TLN2: variants seen among roughly 807,000 people sequenced by gnomAD.
The protein encoded by TLN2 is talin 2.
In TLN2, 118 loss-of-function variants were observed where a neutral mutation model predicts 294.7. That is an observed-to-expected ratio of 0.40 (90% CI 0.34 to 0.47). The LOEUF (loss-of-function observed/expected upper bound fraction) is 0.47, where lower values mean the gene tolerates loss of function less well. Ranked by LOEUF, TLN2 falls within the 20% of genes least tolerant of loss-of-function variation. The probability of loss-of-function intolerance (pLI) is 0.84; values close to 1 mark genes in which losing one functional copy is unlikely to be tolerated. For synonymous variants in TLN2, 1,431 were observed against 1,304.5 expected, an observed-to-expected ratio of 1.10 and a Z score of -2.09; for missense variants, 3,083 against 3,282.2, an observed-to-expected ratio of 0.94 and a Z score of 1.48.
At chr15:62,452,609 C>T (rs2036226812) in intron 1 of TLN2, among the ~76,000 whole-genome samples, 2 of 152,194 alleles carry the variant, frequency 1.3e-5, no homozygotes, top group Admixed American at 1.3e-4. Context: ...TCCTCCTTCC[C>T]TCCAGCCCTT....
At chr15:62,555,036 T>TTTC (rs2140568010) in intron 1 of TLN2, among the ~76,000 whole-genome samples, 1 of 151,906 alleles carries the variant, frequency 6.6e-6, no homozygotes, top group South Asian at 2.1e-4. Flanking sequence ...AATTAGGAGA[T>TTTC]TTCTTCCCTG....
chr15:62,500,532 G>C (rs2039251819), intron 1 of TLN2, among the ~76,000 whole-genome samples: 1 of 152,186 alleles, frequency 6.6e-6, no homozygotes, highest in African/African-American at 2.4e-5. Context: ...CTAAGTTCCA[G>C]ATGGGTCAGG....
intron 1 of TLN2, among the ~76,000 whole-genome samples, chr15:62,486,885 A>T (rs1164903716): frequency 6.6e-6 from 1 of 150,780 alleles, no homozygotes; most frequent in Non-Finnish European, 1.5e-5. Flanking sequence ...CTGCTCTTCG[A>T]TACAGGTAGA....
intron 27 of TLN2, among the ~76,000 whole-genome samples, chr15:62,726,746 G>C (rs753887284): frequency 1.1e-4 from 16 of 152,184 alleles, no homozygotes; most frequent in Non-Finnish European, 2.1e-4. Context: ...AATACTAATA[G>C]CTACCATTTG....
At chr15:62,587,796 A>G (rs2045735298) in intron 1 of TLN2, among the ~76,000 whole-genome samples, 1 of 152,242 alleles carries the variant, frequency 6.6e-6, no homozygotes, top group Admixed American at 6.5e-5. Context: ...TCCGTTCATG[A>G]AAGTGCCTAT....
intron 1 of TLN2, among the ~76,000 whole-genome samples, chr15:62,494,539 C>G (rs961269901): frequency 2.0e-5 from 3 of 152,046 alleles, no homozygotes; most frequent in East Asian, 3.9e-4. Flanking sequence ...AGGGGATTTT[C>G]TGGGTGATTC....
chr15:62,762,132 A>T (rs2062717548), intron 38 of TLN2, 140 bp from the exon 39 acceptor site: 5 of 1,030,108 alleles, frequency 4.9e-6, no homozygotes, highest in South Asian at 3.1e-5. Context: ...CTGGTAATCC[A>T]GTCTTCATGG....
intron 1 of TLN2, among the ~76,000 whole-genome samples, chr15:62,567,709 C>T (rs1168948602): frequency 6.6e-6 from 1 of 152,098 alleles, no homozygotes. Flanking sequence ...ATGGCGCGCG[C>T]CTGTAATCCC....
rs117495541 is a variant in TLN2, at chr15:62,819,639, G to A, written c.6877+18G>A. 2.1e-3 allele frequency: 3,319 copies of A among 1,603,862 alleles called. 52 individuals are homozygous for A. In the East Asian group the frequency reaches 0.039, roughly 19 times the overall value. Reference sequence around the variant, plus strand: ...CATGAAAGGTAGGCTGGATTCTCACGTCTTGGTGGAGGGCAACCCTCCCAG... The same window carrying A: ...CATGAAAGGTAGGCTGGATTCTCACATCTTGGTGGAGGGCAACCCTCCCAG... On this transcript the variant is annotated intron_variant, in intron 53 of 58. Transcript: ENST00000636159.
intron 50 of TLN2, among the ~76,000 whole-genome samples, chr15:62,801,021 A>C (rs542500863): frequency 1.3e-5 from 2 of 152,340 alleles, no homozygotes; most frequent in African/African-American, 4.8e-5. Context: ...GTTTACTTCC[A>C]CTAAAATTAT....
chr15:62,781,806 G>C (rs2064196273), intron 44 of TLN2, among the ~76,000 whole-genome samples: 1 of 152,156 alleles, frequency 6.6e-6, no homozygotes, highest in Non-Finnish European at 1.5e-5. Context: ...TAATGTTTTG[G>C]TTTGGTTTGG....
intron 1 of TLN2, among the ~76,000 whole-genome samples, chr15:62,583,213 A>G (rs2045290199): frequency 6.6e-6 from 1 of 152,192 alleles, no homozygotes; most frequent in Non-Finnish European, 1.5e-5. Context: ...CCCATATTCC[A>G]TGGCCAGTTG....
rs140628245 is a variant in TLN2, at chr15:62,697,941, G to A, written c.1473+73G>A. The stretch of plus-strand genomic sequence containing the variant: ...GCATGCAGGGTGGACACCAGCGGCG[G>A]TGATGGGCTGAGTGTTGGAACGCTC... On this transcript the variant is annotated intron_variant, in intron 15 of 58. Transcript: ENST00000636159. 21 of 1,534,764 alleles carry A rather than the reference G, an allele frequency of 1.4e-5. No individual in the cohort carries two copies. In the East Asian group the frequency reaches 4.7e-4, roughly 35 times the overall value.
intron 2 of TLN2, among the ~76,000 whole-genome samples, chr15:62,593,475 A>AT (rs1258205277): frequency 6.6e-6 from 1 of 152,174 alleles, no homozygotes; most frequent in African/African-American, 2.4e-5. Flanking sequence ...GTTTCCATGC[A>AT]TTTTTTGGCT....
chr15:62,434,169 C>T (rs1332119368), intron 1 of TLN2, among the ~76,000 whole-genome samples: 1 of 152,154 alleles, frequency 6.6e-6, no homozygotes, highest in East Asian at 1.9e-4. Context: ...ACTAAGGTCC[C>T]TTCCTAAAGG....
intron 27 of TLN2, 70 bp downstream of exon 27, chr15:62,725,174 A>T: frequency 6.5e-7 from 1 of 1,529,332 alleles, no homozygotes; most frequent in South Asian, 1.3e-5. Flanking sequence ...GTTTGTTGTT[A>T]GGGTGTTTGC....
rs185923372 is a variant in TLN2, at chr15:62,665,528, A to C, written c.788+7630A>C. Among the ~76,000 whole-genome samples, 71 of 152,312 alleles carry C rather than the reference A, an allele frequency of 4.7e-4. No individual in the cohort carries two copies. In the East Asian group the frequency reaches 6.0e-3, roughly 13 times the overall value. On this transcript the variant is annotated intron_variant, in intron 9 of 58. Coordinates refer to ENST00000636159, the MANE Select transcript of TLN2 (RefSeq NM_015059.3). ...ACGTGAAGAAATTGTCCAAGGGCTG[A>C]GTGTGGGCAGGCAGGTCACAGGCTT...
intron 45 of TLN2, among the ~76,000 whole-genome samples, chr15:62,790,334 AGAGG>A (rs531657928): frequency 4.5e-4 from 69 of 152,322 alleles, no homozygotes; most frequent in African/African-American, 1.6e-3. Context: ...TTTAATTTCG[AGAGG>A]GAGAGGAAGG....
At position 62,800,927 on chromosome 15, in the gene TLN2, C is replaced by G. The variant is rs115699084; in HGVS notation, c.6477+158C>G. Among the ~76,000 whole-genome samples, 724 of 152,180 alleles carry G rather than the reference C, an allele frequency of 4.8e-3. 1 individual carries two copies. Among genetic ancestry groups the G allele is most frequent in the African/African-American group, 0.016 (664 of 41,490 alleles). ...GCTGGTAGCTTTATATAATTGAGACCCCATGTGTCACTGAGTTTGGCTGGG... is the reference window on the plus strand; with the variant it reads ...GCTGGTAGCTTTATATAATTGAGACGCCATGTGTCACTGAGTTTGGCTGGG... On this transcript the variant is annotated intron_variant, in intron 50 of 58. Coordinates refer to ENST00000636159, the MANE Select transcript of TLN2 (RefSeq NM_015059.3).
Sources: gnomAD v4.1 joint callset for allele counts (sites outside exome capture counted in the v4.1 genomes callset) on GRCh38, gnomAD v4.1.1 for gene constraint, MANE v1.5 for transcripts, NCBI Gene and HGNC (gene_info 2026-07-23, HGNC 2026-07-21) for gene names.